Variants in TLN1 observed in about 807,000 individuals in gnomAD.
The protein encoded by TLN1 is talin 1.
TLN1 carries 56 observed loss-of-function variants against 292.3 expected under a neutral mutation model. The ratio of observed to expected loss-of-function variants is 0.19; its 90% CI spans 0.15 to 0.24. The LOEUF is 0.24. Among genes scored for constraint, TLN1 ranks in the 10% least tolerant of loss-of-function variants. The pLI, the probability that TLN1 is intolerant of heterozygous loss-of-function variation, is 1.00. For synonymous variants in TLN1, 1,119 were observed against 1,253.7 expected (o/e 0.89, Z 2.27); for missense variants, 2,433 against 3,248.2 (o/e 0.75, Z 6.10).
In TLN1 at chr9:35,698,936, G is replaced by A. The variant is rs1825415562; in HGVS notation, c.7000-3C>T. ...AAGTTCAAGGACTCATCTGCCTCCT[G>A]CAATAAGCGAAGGTTGCAGAAAGAG... On this transcript the variant is annotated splice_region_variant and splice_polypyrimidine_tract_variant and intron_variant, in intron 52 of 56. Coordinates refer to ENST00000314888, the MANE Select transcript of TLN1 (RefSeq NM_006289.4). This position sits in a 1 kb window ranked among gnomAD's most constrained non-coding sequence, Gnocchi z 5.3. 1 of 1,613,518 alleles carries A rather than the reference G, an allele frequency of 6.2e-7. No individual in the cohort carries two copies.
chr9:35,722,869 T>C lies in TLN1; in HGVS notation c.835A>G (p.Ile279Val), dbSNP rs1252621660. ...EYVKQKGERK[I>V]FQAHKNCGQM... is the part of the protein sequence containing the mutation. ...CCCCTACCCACATTCACCTGGAAGA[T>C]CTTACGCTCTCCCTTCTGCTTCACA... The change falls in exon 8 of 57, where the codon ATC becomes GTC. Residue 279 changes from isoleucine (I) to valine (V), a missense_variant. Around this residue, in one of 7 missense-constraint regions of TLN1, gnomAD observed 78 missense variants for 88.8 expected, o/e 0.88. Transcript: ENST00000314888. The C allele has an allele frequency of 1.2e-6, 2 of 1,613,754 alleles. No homozygotes were observed. Among genetic ancestry groups the C allele is most frequent in the African/African-American group, 1.3e-5 (1 of 74,880 alleles).
At chr9:35,729,776 T>A (rs1587993248) in intron 1 of TLN1, among the ~76,000 whole-genome samples, 1 of 152,066 alleles carries the variant, frequency 6.6e-6, no homozygotes, top group Admixed American at 6.5e-5. Flanking sequence ...GCAGCTTGAG[T>A]TTAGGCGACG....
Position 35,724,755 on chromosome 9 carries a change from A to G in TLN1, c.359-31T>C. 1.2e-6 allele frequency: 2 copies of G among 1,613,906 alleles called. No individual in the cohort carries two copies. Among genetic ancestry groups the G allele is most frequent in the Non-Finnish European group, 1.7e-6 (2 of 1,179,884 alleles). ...GAAGGAGATGGCTTGTTAGCTTCCCAGGTACTGCATCCATGCCTTTTGAGA... is the reference window on the plus strand; with the variant it reads ...GAAGGAGATGGCTTGTTAGCTTCCCGGGTACTGCATCCATGCCTTTTGAGA... On this transcript the variant is annotated intron_variant, in intron 4 of 56. Transcript: ENST00000314888. The surrounding 1 kb of genome is among the most constrained non-coding windows in gnomAD (Gnocchi z 4.7).
intron 1 of TLN1, among the ~76,000 whole-genome samples, chr9:35,727,798 C>A (rs1176448304): frequency 6.6e-6 from 1 of 152,180 alleles, no homozygotes; most frequent in Admixed American, 6.5e-5. Flanking sequence ...TAGACACCCC[C>A]TTCCTCCTCA....
At chr9:35,721,573 G>C (rs1168914473) in intron 10 of TLN1, 75 bp downstream of exon 10, 1 of 1,522,546 alleles carries the variant, frequency 6.6e-7, no homozygotes, top group African/African-American at 1.4e-5. Context: ...TACCCCAAGA[G>C]AGGGAAGAGA....
chr9:35,720,364 A>G lies in TLN1; in HGVS notation c.1283+69T>C, dbSNP rs139745512. 147 of 1,571,478 alleles carry G rather than the reference A, an allele frequency of 9.4e-5. No individual in the cohort carries two copies. In the African/African-American group the frequency reaches 1.8e-3, roughly 19 times the overall value. On this transcript the variant is annotated intron_variant, in intron 12 of 56. Transcript: ENST00000314888. ...CATTCTAAGGACTCCCCACCTCCCA[A>G]GAGTCCTTAGAGTCAGGCCTTGCCT...
rs1056287417 is a variant in TLN1 at position 35,717,062 on chromosome 9, G to C, written c.2458+84C>G. The C allele has an allele frequency of 2.7e-6, 4 of 1,472,700 alleles. No individual in the cohort carries two copies. The African/African-American group carries it at 4.2e-5, about 16-fold the overall frequency. The allele number at this position is 1,472,700 out of a possible 1,614,324, so 91.2% of individuals were successfully genotyped here. A position where few individuals can be genotyped will look rare whatever the true frequency, so the allele number is the denominator to read the frequency against. On this transcript the variant is annotated intron_variant, in intron 19 of 56. Transcript: ENST00000314888. This position sits in a 1 kb window ranked among gnomAD's most constrained non-coding sequence, Gnocchi z 4.7. ...TGTGCTGAGTTCCTTGGGGTGAAGT[G>C]GTTAGGTCCGCAAGGGGATGATGTC...
chr9:35,724,767 C>T lies in TLN1; in HGVS notation c.359-43G>A, dbSNP rs1046117379. ...TTGTTAGCTTCCCAGGTACTGCATC[C>T]ATGCCTTTTGAGAGAGTTGAGGCTT... On this transcript the variant is annotated intron_variant, in intron 4 of 56. Coordinates refer to ENST00000314888, the MANE Select transcript of TLN1 (RefSeq NM_006289.4). The surrounding 1 kb of genome is among the most constrained non-coding windows in gnomAD (Gnocchi z 4.7). The T allele has an allele frequency of 1.2e-6, 2 of 1,613,710 alleles. No homozygotes were observed. Among genetic ancestry groups the T allele is most frequent in the African/African-American group, 1.3e-5 (1 of 75,000 alleles).
Position 35,706,299 on chromosome 9 carries a change from A to C in TLN1, c.5258T>G (p.Leu1753Arg), listed in dbSNP as rs755988954. 34 of 1,613,692 alleles carry C rather than the reference A, an allele frequency of 2.1e-5. No individual in the cohort carries two copies. Among genetic ancestry groups the C allele is most frequent in the Non-Finnish European group, 2.8e-5 (33 of 1,179,814 alleles). Residue 1753 changes from leucine (L) to arginine (R), a missense_variant, in exon 40 of 57, where the codon CTG (leucine) becomes CGG (arginine). Transcript: ENST00000314888. This position sits in a 1 kb window ranked among gnomAD's most constrained non-coding sequence, Gnocchi z 4.2. ...LAAVGAASKT[L>R]SHPQQMALLD... ...GAGTGCCATCTGCTGCGGGTGGCTC[A>C]GGGTCTTGGAGGCAGCACCCACTGC...
intron 17 of TLN1, among the ~76,000 whole-genome samples, chr9:35,718,313 C>T (rs1283337021): frequency 1.3e-5 from 2 of 152,194 alleles, no homozygotes; most frequent in Non-Finnish European, 2.9e-5. Context: ...GTATGCGGCT[C>T]AGAGAGGACA....
At position 35,699,500 on chromosome 9, in the gene TLN1, C is replaced by A; in HGVS notation, c.6769-39G>T. The A allele has an allele frequency of 6.3e-7, 1 of 1,592,538 alleles. No individual in the cohort carries two copies. Among genetic ancestry groups the A allele is most frequent in the East Asian group, 2.2e-5 (1 of 44,832 alleles). On this transcript the variant is annotated intron_variant, in intron 50 of 56. Transcript: ENST00000314888. The surrounding 1 kb of genome is among the most constrained non-coding windows in gnomAD (Gnocchi z 4.0). Reference sequence around the variant, plus strand: ...GGGCAGGGGACAAAGAGCATCACATCTTAGGGTCTACCCTGATCTATGAAA... The same window carrying A: ...GGGCAGGGGACAAAGAGCATCACATATTAGGGTCTACCCTGATCTATGAAA...
At chr9:35,728,422 C>T (rs1329280790) in intron 1 of TLN1, among the ~76,000 whole-genome samples, 1 of 152,128 alleles carries the variant, frequency 6.6e-6, no homozygotes. Flanking sequence ...ACTGACATAT[C>T]CGGCCTCAGG....
At chr9:35,721,312 T>G (rs1159653079) in intron 10 of TLN1, among the ~76,000 whole-genome samples, 1 of 152,226 alleles carries the variant, frequency 6.6e-6, no homozygotes, top group Admixed American at 6.5e-5. Flanking sequence ...CAGTTTTCAA[T>G]TCATAACCCT....
Position 35,717,252 on chromosome 9 carries a change from A to G in TLN1, c.2352T>C (p.His784=). 6.2e-7 allele frequency: 1 copy of G among 1,614,172 alleles called. No individual in the cohort carries two copies. The highest frequency in any genetic ancestry group is 8.5e-7 in the Non-Finnish European group (1 of 1,180,030). ...VTQALNELLQ[H]VKAHATGAGP... ...CAGCCCCTGTGGCATGGGCTTTCAC[A>G]TGCTGCAGCAGCTCATTTAGGGCCT... Residue 784 remains histidine (H), a synonymous_variant, in exon 19 of 57, where the codon CAT becomes CAC. Coordinates refer to ENST00000314888, the MANE Select transcript of TLN1 (RefSeq NM_006289.4). This position sits in a 1 kb window ranked among gnomAD's most constrained non-coding sequence, Gnocchi z 4.7.
At position 35,699,156 on chromosome 9, in the gene TLN1, C is replaced by T. The variant is rs780140944; in HGVS notation, c.6875G>A (p.Gly2292Glu). ...ELIQAAEAMK[G>E]TEWVDPEDPT... is the part of the protein sequence containing the mutation. ...GTCCTCTGGGTCTACCCATTCTGTT[C>T]CTGGTGGGATGAAGGAAGAGGAAAG... The change falls in exon 52 of 57, where the codon GGA becomes GAA. Residue 2292 changes from glycine to glutamate, a missense_variant and splice_region_variant. Around this residue, in one of 7 missense-constraint regions of TLN1, gnomAD observed 1,384 missense variants for 1,699.6 expected, o/e 0.81. Coordinates refer to ENST00000314888, the MANE Select transcript of TLN1 (RefSeq NM_006289.4). This position sits in a 1 kb window ranked among gnomAD's most constrained non-coding sequence, Gnocchi z 4.0. 3.7e-6 allele frequency: 6 copies of T among 1,603,796 alleles called. No individual in the cohort carries two copies. Among genetic ancestry groups the T allele is most frequent in the Non-Finnish European group, 5.1e-6 (6 of 1,173,922 alleles).
At position 35,700,270 on chromosome 9, in the gene TLN1, T is replaced by A. The variant is rs764826141; in HGVS notation, c.6581A>T (p.Asn2194Ile). 3.7e-6 allele frequency: 6 copies of A among 1,613,584 alleles called. No individual in the cohort carries two copies. The Admixed American group carries it at 8.3e-5, about 22-fold the overall frequency. The part of the protein sequence containing the change: ...MATAKAVAAG[N>I]SCRQEDVIAT... ...AATGACATCTTCCTGGCGACAGGAA[T>A]TGCCAGCAGCAACGGCCTTGGCGGT... is the stretch of plus-strand genomic sequence containing the variant. The change falls in exon 49 of 57, where the codon AAT (asparagine) becomes ATT (isoleucine). Residue 2194 changes from asparagine (N) to isoleucine (I), a missense_variant. This residue lies in a region of TLN1 where 1,384 missense variants were observed against 1,699.6 expected (regional missense o/e 0.81). Transcript: ENST00000314888.
Position 35,704,533 on chromosome 9 carries a change from G to A in TLN1, c.5881-35C>T, listed in dbSNP as rs753533487. The A allele has an allele frequency of 5.7e-6, 9 of 1,586,972 alleles. No homozygotes were observed. The highest frequency in any genetic ancestry group is 7.7e-6 in the Non-Finnish European group (9 of 1,164,682). ...GAATGTCACATGGTGACTGTGGAAGGTGCCATGTGAAATGGAAAGGTTGCC... is the reference window on the plus strand; with the variant it reads ...GAATGTCACATGGTGACTGTGGAAGATGCCATGTGAAATGGAAAGGTTGCC... On this transcript the variant is annotated intron_variant, in intron 44 of 56. Transcript: ENST00000314888. The surrounding 1 kb of genome is among the most constrained non-coding windows in gnomAD (Gnocchi z 6.9).
rs570805918 is a variant in TLN1 at position 35,710,624 on chromosome 9, C to A, written c.4263G>T (p.Glu1421Asp). The change falls in exon 33 of 57, where the codon GAG (glutamate) becomes GAT (aspartate). Residue 1421 changes from glutamate to aspartate, a missense_variant. Physicochemically the swap from Glu to Asp is conservative, Grantham distance 45 (BLOSUM62 2). Transcript: ENST00000314888. ...SQNAKNGNLP[E>D]FGDAISTASK... ...AGGCTGTGGAAATGGCATCTCCAAACTCTGGCAGGTTTCCGTTCTTGGCAT... is the reference window on the plus strand; with the variant it reads ...AGGCTGTGGAAATGGCATCTCCAAAATCTGGCAGGTTTCCGTTCTTGGCAT... 3 of 1,614,258 alleles carry A rather than the reference C, an allele frequency of 1.9e-6. No homozygotes were observed. The South Asian group carries it at 3.3e-5, about 18-fold the overall frequency.
chr9:35,699,097 C>G lies in TLN1; in HGVS notation c.6934G>C (p.Ala2312Pro), dbSNP rs781408239. 1 of 1,613,980 alleles carries G rather than the reference C, an allele frequency of 6.2e-7. No homozygotes were observed. The highest frequency in any genetic ancestry group is 8.5e-7 in the Non-Finnish European group (1 of 1,179,936). The change falls in exon 52 of 57, where the codon GCT becomes CCT. Residue 2312 changes from alanine to proline, a missense_variant. By Grantham distance (27) the Ala-to-Pro change is conservative (BLOSUM62 -1). This residue lies in a region of TLN1 where 1,384 missense variants were observed against 1,699.6 expected (regional missense o/e 0.81). Coordinates refer to ENST00000314888, the MANE Select transcript of TLN1 (RefSeq NM_006289.4). This position sits in a 1 kb window ranked among gnomAD's most constrained non-coding sequence, Gnocchi z 4.0. ...TVIAENELLGAAAAIEAAAKK... is the reference protein window; with the variant it reads ...TVIAENELLGPAAAIEAAAKK... ...GCTGCAGCCTCAATGGCGGCTGCAG[C>G]TCCCAGGAGCTCATTCTCAGCAATG...
Sources: allele counts gnomAD v4.1 joint callset (sites outside exome capture counted in the v4.1 genomes callset), GRCh38; gene constraint gnomAD v4.1.1; regional missense constraint gnomAD v4.1.1; non-coding constraint Gnocchi (gnomAD v3.1); transcripts MANE v1.5; gene names NCBI Gene and HGNC (gene_info 2026-07-23, HGNC 2026-07-21).